TP53I13: variants seen among roughly 807,000 people sequenced by gnomAD.
TP53I13 encodes tumor protein p53-inducible protein 13.
Under a neutral mutation model 39.1 loss-of-function variants are expected in TP53I13, and 27 were observed. The ratio of observed to expected loss-of-function variants is 0.69; its 90% CI spans 0.51 to 0.95. The LOEUF (loss-of-function observed/expected upper bound fraction) is 0.95. TP53I13 is among the 40% of genes least tolerant of loss of function. TP53I13 has a pLI of 0.00. For missense variants in TP53I13, 544 were observed against 520.4 expected, an observed-to-expected ratio of 1.05 and a Z score of -0.44; for synonymous variants, 230 against 224.6, an observed-to-expected ratio of 1.02 and a Z score of -0.22.
chr17:29,575,476 G>A, downstream of TP53I13: 2 of 1,596,860 alleles, frequency 1.3e-6, no homozygotes, highest in Non-Finnish European at 8.5e-7. The surrounding 1 kb of genome is among the most constrained non-coding windows in gnomAD (Gnocchi z 5.5). Flanking sequence ...CCAGCCTGAG[G>A]CCCAGGTCCA....
Position 29,572,068 on chromosome 17 carries a change from C to T in TP53I13, c.513+11C>T. ...AGAGGGTGTGTGCAGGTGAGAGACG[C>T]TGGGCCCAGGCTTGTTGGCCCTCGG... On this transcript the variant is annotated intron_variant, in intron 5 of 6. Transcript: ENST00000301057. The T allele has an allele frequency of 6.2e-7, 1 of 1,612,946 alleles. No homozygotes were observed.
chr17:29,572,782 G>T (rs1419452847), intron 6 of TP53I13, 30 bp from the exon 7 acceptor site: 2 of 470,206 alleles, frequency 4.3e-6, no homozygotes, highest in Admixed American at 5.3e-5. Context: ...CTGCCCTCCC[G>T]CCCTTGACTG....
At position 29,568,827 on chromosome 17, in the gene TP53I13, C is replaced by G. The variant is rs371239792; in HGVS notation, c.69C>G (p.Ser23Arg). ...CCCTCGCGAGGCTCCTGGGTCCCAG[C>G]GAGGTAAGGTGACCCGCTCCTGGGA... ...LAALARLLGP[S>R]EVMAGPAEEA... is the part of the protein sequence containing the mutation. Residue 23 changes from serine (S) to arginine (R), a missense_variant, in exon 1 of 7, where the codon AGC becomes AGG. Ser to Arg is a moderately radical substitution (Grantham distance 110). Coordinates refer to ENST00000301057, the MANE Select transcript of TP53I13 (RefSeq NM_138349.4). The surrounding 1 kb of genome is among the most constrained non-coding windows in gnomAD (Gnocchi z 4.5). The G allele has an allele frequency of 1.1e-4, 180 of 1,599,706 alleles. No individual in the cohort carries two copies. Among genetic ancestry groups the G allele is most frequent in the Non-Finnish European group, 1.5e-4 (173 of 1,179,570 alleles).
intron 3 of TP53I13, 45 bp from the exon 4 acceptor site, chr17:29,571,546 G>C (rs369456289): frequency 3.7e-5 from 60 of 1,606,330 alleles, no homozygotes; most frequent in Non-Finnish European, 4.9e-5. Flanking sequence ...AGATTCTCTG[G>C]GAGGGCTCTG....
downstream of TP53I13, chr17:29,574,812 C>T (rs775115811): frequency 6.8e-6 from 11 of 1,611,584 alleles, no homozygotes; most frequent in Admixed American, 5.0e-5. Flanking sequence ...TCCACTGGGG[C>T]GCCGGGCTCT....
chr17:29,576,255 C>T (rs769051742), downstream of TP53I13: 10 of 1,609,598 alleles, frequency 6.2e-6, no homozygotes, highest in East Asian at 2.2e-5. Flanking sequence ...GTAGTGAGCT[C>T]GTCCCCAGGG....
At chr17:29,581,516 G>A in the TP53I13 span, 1 of 771,470 alleles carries the variant, frequency 1.3e-6, no homozygotes, top group Non-Finnish European at 2.3e-6. The surrounding 1 kb of genome is among the most constrained non-coding windows in gnomAD (Gnocchi z 4.8). Context: ...CCACCCCCAA[G>A]AATGCTGGGA....
the TP53I13 span, chr17:29,581,259 C>G: frequency 1.9e-6 from 2 of 1,065,596 alleles, no homozygotes; most frequent in Non-Finnish European, 2.9e-6. This position sits in a 1 kb window ranked among gnomAD's most constrained non-coding sequence, Gnocchi z 4.8. Flanking sequence ...CCTCTGAAAC[C>G]TGGGCTGGGA....
rs1360122702 is a variant in TP53I13, at chr17:29,569,342, C to A, written c.166C>A (p.Arg56=). Residue 56 remains arginine, a synonymous_variant, in exon 3 of 7, where the codon CGA becomes AGA. Coordinates refer to ENST00000301057, the MANE Select transcript of TP53I13 (RefSeq NM_138349.4). Reference sequence around the variant, plus strand: ...GGTGTCACCAAGAGTGACCTACACACGAGTGAGCCCAGGGCAGGTGAGTAC... The same window carrying A: ...GGTGTCACCAAGAGTGACCTACACAAGAGTGAGCCCAGGGCAGGTGAGTAC... The part of the protein sequence containing the change: ...PQVSPRVTYT[R]VSPGQAEDVT... 3 of 1,613,902 alleles carry A rather than the reference C, an allele frequency of 1.9e-6. No homozygotes were observed. The highest frequency in any genetic ancestry group is 2.5e-6 in the Non-Finnish European group (3 of 1,179,908).
rs2033025249 is a variant in TP53I13, at chr17:29,572,988, C to T, written c.*64C>T. On this transcript the variant is annotated 3_prime_UTR_variant, in exon 7 of 7. Coordinates refer to ENST00000301057, the MANE Select transcript of TP53I13 (RefSeq NM_138349.4). Reference sequence around the variant, plus strand: ...CGCGCCGCGAGGCCGCGACCTCTGCCACGTGGACCGCGCGCGGGGCGCTCC... The same window carrying T: ...CGCGCCGCGAGGCCGCGACCTCTGCTACGTGGACCGCGCGCGGGGCGCTCC... The T allele has an allele frequency of 7.9e-7, 1 of 1,272,834 alleles. No homozygotes were observed. Among genetic ancestry groups the T allele is most frequent in the Non-Finnish European group, 1.0e-6 (1 of 991,910 alleles). 78.8% of individuals were successfully genotyped at this position (1,272,834 alleles called of 1,614,324 possible).
chr17:29,568,707 T>TC lies in TP53I13; in HGVS notation c.-49dup. Reference sequence around the variant, plus strand: ...GGCTGGAGGGGCGGGGCGCGCGCGCTCCCTCGCTGGCGGAGCGGCTGGGCG... The same window carrying TC: ...GGCTGGAGGGGCGGGGCGCGCGCGCTCCCCTCGCTGGCGGAGCGGCTGGGCG... On this transcript the variant is annotated 5_prime_UTR_variant, in exon 1 of 7. Coordinates refer to ENST00000301057, the MANE Select transcript of TP53I13 (RefSeq NM_138349.4). This position sits in a 1 kb window ranked among gnomAD's most constrained non-coding sequence, Gnocchi z 4.5. The TC allele has an allele frequency of 8.1e-7, 1 of 1,241,860 alleles. No individual in the cohort carries two copies. The highest frequency in any genetic ancestry group is 1.0e-6 in the Non-Finnish European group (1 of 986,176). The allele number at this position is 1,241,860 out of a possible 1,614,324, so 76.9% of individuals were successfully genotyped here.
Position 29,572,615 on chromosome 17 carries a change from C to A in TP53I13, c.987C>A (p.Leu329=). The change falls in exon 6 of 7, where the codon CTC becomes CTA. Residue 329 remains leucine (L), a synonymous_variant. Transcript: ENST00000301057. ...TGGTGCTGCTCACCCTGGCCACGCT[C>A]TGCACACGGCTGCACAGAAACTTCC... is the stretch of plus-strand genomic sequence containing the variant. ...FLLVLLTLAT[L]CTRLHRNFRR... 1 of 1,588,548 alleles carries A rather than the reference C, an allele frequency of 6.3e-7. No homozygotes were observed. The highest frequency in any genetic ancestry group is 8.6e-7 in the Non-Finnish European group (1 of 1,168,360).
Position 29,572,839 on chromosome 17 carries a change from CCTCGCGCCGGGTCAAGCG to C in TP53I13, c.1108_1125del (p.Val370_Arg375del), listed in dbSNP as rs1567763937. 13 of 1,527,154 alleles carry C rather than the reference CCTCGCGCCGGGTCAAGCG, an allele frequency of 8.5e-6. No individual in the cohort carries two copies. Among genetic ancestry groups the C allele is most frequent in the Middle Eastern group, 2.3e-4 (1 of 4,380 alleles). 94.6% of individuals were successfully genotyped at this position (1,527,154 alleles called of 1,614,324 possible). On this transcript the variant is annotated inframe_deletion, in exon 7 of 7. Coordinates refer to ENST00000301057, the MANE Select transcript of TP53I13 (RefSeq NM_138349.4). The stretch of plus-strand genomic sequence containing the variant: ...GTGCTGAAGCGGAGGCTGCTGCAGC[CCTCGCGCCGGGTCAAGCG>C]CTCGCGCCGGAGACCCCTCCTCCCG...
chr17:29,572,844 C>G lies in TP53I13; in HGVS notation c.1102C>G (p.Arg368Gly). Reference sequence around the variant, plus strand: ...GAAGCGGAGGCTGCTGCAGCCCTCGCGCCGGGTCAAGCGCTCGCGCCGGAG... The same window carrying G: ...GAAGCGGAGGCTGCTGCAGCCCTCGGGCCGGGTCAAGCGCTCGCGCCGGAG... ...VLKRRLLQPS[R>G]RVKRSRRRPL... Residue 368 changes from arginine (R) to glycine (G), a missense_variant, in exon 7 of 7, where the codon CGC (arginine) becomes GGC (glycine). Transcript: ENST00000301057. 2.0e-6 allele frequency: 3 copies of G among 1,526,320 alleles called. No homozygotes were observed. Among genetic ancestry groups the G allele is most frequent in the Non-Finnish European group, 2.6e-6 (3 of 1,142,938 alleles). 94.5% of individuals were successfully genotyped at this position (1,526,320 alleles called of 1,614,324 possible). A position where few individuals can be genotyped will look rare whatever the true frequency, so the allele number is the denominator to read the frequency against.
chr17:29,575,562 T>A, downstream of TP53I13: 1 of 1,566,470 alleles, frequency 6.4e-7, no homozygotes, highest in African/African-American at 1.4e-5. This position sits in a 1 kb window ranked among gnomAD's most constrained non-coding sequence, Gnocchi z 5.5. Context: ...CCTCACACAC[T>A]GGGGGCCCTC....
downstream of TP53I13, chr17:29,574,431 T>C (rs983153554): frequency 8.0e-6 from 4 of 500,010 alleles, no homozygotes; most frequent in Admixed American, 1.4e-4. Context: ...GAGTGATGCC[T>C]TGCAGGCCCC....
upstream of TP53I13, chr17:29,567,969 C>T (rs1338911512): frequency 6.6e-6 from 1 of 152,078 alleles, no homozygotes; most frequent in Non-Finnish European, 1.5e-5. This position sits in a 1 kb window ranked among gnomAD's most constrained non-coding sequence, Gnocchi z 6.6. Context: ...CCGGCCAGCG[C>T]ACCTCCTGGG....
chr17:29,569,212 C>T (rs2032830306), intron 2 of TP53I13, 106 bp from the exon 3 acceptor site: 1 of 1,489,376 alleles, frequency 6.7e-7, no homozygotes, highest in African/African-American at 1.4e-5. Flanking sequence ...CCTCAGTAGC[C>T]AACTTCTCCA....
downstream of TP53I13, chr17:29,575,735 C>T (rs749601989): frequency 8.7e-6 from 14 of 1,611,340 alleles, no homozygotes; most frequent in East Asian, 4.5e-5. This position sits in a 1 kb window ranked among gnomAD's most constrained non-coding sequence, Gnocchi z 5.5. Context: ...CTGTGAGCGC[C>T]GTGTTCCTGG....
Sources: allele counts gnomAD v4.1 joint callset, GRCh38; gene constraint gnomAD v4.1.1; non-coding constraint Gnocchi (gnomAD v3.1); transcripts MANE v1.5; gene names NCBI Gene and HGNC (gene_info 2026-07-23, HGNC 2026-07-21).